Variants in SLC22A3 observed in about 807,000 individuals in gnomAD.
SLC22A3 encodes the protein EMT organic cation transporter 3.
SLC22A3 carries 51 observed loss-of-function variants against 59.1 expected under a neutral mutation model. The observed-to-expected ratio is 0.86, with a 90% CI of 0.69 to 1.09. The LOEUF (loss-of-function observed/expected upper bound fraction) is 1.09, where lower values mean the gene tolerates loss of function less well. SLC22A3 is among the 50% of genes least tolerant of loss of function. The pLI is 0.00. For missense variants in SLC22A3, 711 were observed against 726.3 expected (o/e 0.98, Z 0.24); for synonymous variants, 325 against 292.0 (o/e 1.11, Z -1.15).
chr6:160,373,465 C>T (rs1785474612), intron 1 of SLC22A3, among the ~76,000 whole-genome samples: 1 of 152,162 alleles, frequency 6.6e-6, no homozygotes, highest in Non-Finnish European at 1.5e-5. Context: ...AGGTGTCTCC[C>T]AGTCAGGAGG....
chr6:160,375,343 A>G (rs1262804268), intron 1 of SLC22A3, among the ~76,000 whole-genome samples: 3 of 152,202 alleles, frequency 2.0e-5, no homozygotes, highest in Non-Finnish European at 4.4e-5. Flanking sequence ...TAAACTGCCA[A>G]GGAGACACTC....
intron 5 of SLC22A3, among the ~76,000 whole-genome samples, chr6:160,414,513 C>T (rs569815355): frequency 6.6e-6 from 1 of 152,234 alleles, no homozygotes; most frequent in Admixed American, 6.5e-5. Context: ...TTAGTCTGTT[C>T]TCACACTGCT....
At chr6:160,353,140 C>T (rs113287635) in intron 1 of SLC22A3, among the ~76,000 whole-genome samples, 104 of 152,266 alleles carry the variant, frequency 6.8e-4, no homozygotes, top group African/African-American at 2.3e-3. Flanking sequence ...GAAAGCAGGA[C>T]TCTAATGAGT....
chr6:160,444,848 T>G (rs1788683602), intron 9 of SLC22A3, among the ~76,000 whole-genome samples: 1 of 152,244 alleles, frequency 6.6e-6, no homozygotes, highest in African/African-American at 2.4e-5. Flanking sequence ...AAAAGTCCTT[T>G]GACAGTGTGA....
intron 5 of SLC22A3, among the ~76,000 whole-genome samples, chr6:160,416,908 G>A (rs1236026249): frequency 6.6e-6 from 1 of 152,174 alleles, no homozygotes; most frequent in African/African-American, 2.4e-5. Context: ...AAAAAGAATG[G>A]GCAAGTACTT....
At chr6:160,355,339 T>A (rs889423738) in intron 1 of SLC22A3, among the ~76,000 whole-genome samples, 2 of 152,194 alleles carry the variant, frequency 1.3e-5, no homozygotes, top group African/African-American at 2.4e-5. Flanking sequence ...TGTCTCCGCC[T>A]ATAGAGGCTT....
At chr6:160,395,616 TAAAATA>T (rs1168150525) in intron 1 of SLC22A3, among the ~76,000 whole-genome samples, 7 of 152,240 alleles carry the variant, frequency 4.6e-5, no homozygotes, top group Non-Finnish European at 1.0e-4. Context: ...CTTGTTTACT[TAAAATA>T]AAATTTTTGT....
intron 5 of SLC22A3, among the ~76,000 whole-genome samples, chr6:160,423,147 C>G (rs1324247000): frequency 6.6e-6 from 1 of 152,212 alleles, no homozygotes; most frequent in Non-Finnish European, 1.5e-5. Context: ...CATGTCCCTA[C>G]AAAGGACATG....
chr6:160,352,692 A>G (rs1382083193), intron 1 of SLC22A3, among the ~76,000 whole-genome samples: 1 of 152,224 alleles, frequency 6.6e-6, no homozygotes. Context: ...TGTTTTTATT[A>G]GAAGAGTGTG....
rs1284945740 is a variant in SLC22A3 at position 160,415,686 on chromosome 6, G to T, written c.975+4840G>T. Among the ~76,000 whole-genome samples the T allele has an allele frequency of 6.6e-6, 1 of 152,146 alleles. No individual in the cohort carries two copies. The highest frequency in any genetic ancestry group is 2.4e-5 in the African/African-American group (1 of 41,438). On this transcript the variant is annotated intron_variant, in intron 5 of 10. Transcript: ENST00000275300. The surrounding 1 kb of genome is among the most constrained non-coding windows in gnomAD (Gnocchi z 4.1). The stretch of plus-strand genomic sequence containing the variant: ...CTAATTCCCACCTCATTCTCAGGGT[G>T]CCCATTATAGGGTGCGGAGAAGGTT...
intron 2 of SLC22A3, among the ~76,000 whole-genome samples, chr6:160,401,950 G>T (rs1786800833): frequency 6.6e-6 from 1 of 151,878 alleles, no homozygotes; most frequent in African/African-American, 2.4e-5. Context: ...CCAGGAAAAA[G>T]TGTGGAATAC....
intron 5 of SLC22A3, among the ~76,000 whole-genome samples, chr6:160,427,406 C>T (rs765199277): frequency 3.0e-4 from 45 of 152,162 alleles, no homozygotes; most frequent in Non-Finnish European, 6.2e-4. Flanking sequence ...GCAGAAAGCA[C>T]TGCCAACCCT....
At chr6:160,440,935 C>A (rs1377943897) in intron 7 of SLC22A3, among the ~76,000 whole-genome samples, 1 of 152,088 alleles carries the variant, frequency 6.6e-6, no homozygotes, top group Admixed American at 6.5e-5. Context: ...TCTGAGTTAA[C>A]CACATATGTT....
At chr6:160,361,631 T>G (rs1386060084) in intron 1 of SLC22A3, among the ~76,000 whole-genome samples, 1 of 152,042 alleles carries the variant, frequency 6.6e-6, no homozygotes, top group Admixed American at 6.6e-5. Context: ...TTTTTGTAGA[T>G]TTTTTTTAGA....
At chr6:160,393,447 A>G (rs1297616672) in intron 1 of SLC22A3, among the ~76,000 whole-genome samples, 1 of 68,828 alleles carries the variant, frequency 1.5e-5, no homozygotes, top group African/African-American at 5.6e-5. Context: ...CCCTCCCCCT[A>G]CCACACAACA....
chr6:160,405,994 G>C (rs989494124), intron 2 of SLC22A3, among the ~76,000 whole-genome samples: 1 of 152,116 alleles, frequency 6.6e-6, no homozygotes, highest in African/African-American at 2.4e-5. Flanking sequence ...ATACTTTAAT[G>C]GTGGATACGT....
At chr6:160,350,648 G>T (rs1379493685) in intron 1 of SLC22A3, among the ~76,000 whole-genome samples, 4 of 152,346 alleles carry the variant, frequency 2.6e-5, no homozygotes, top group Admixed American at 6.5e-5. Flanking sequence ...GCCTCAACAA[G>T]TGCTCAAGCG....
rs79466232 is a variant in SLC22A3 at position 160,451,570 on chromosome 6, C to A, written c.*514C>A. On this transcript the variant is annotated 3_prime_UTR_variant, in exon 11 of 11. Coordinates refer to ENST00000275300, the MANE Select transcript of SLC22A3 (RefSeq NM_021977.4). ...TAATGAGAAGGCTGAATCACAGGCACCTGGGCCAAAGGGTGTGAGCATTCA... is the reference window on the plus strand; with the variant it reads ...TAATGAGAAGGCTGAATCACAGGCAACTGGGCCAAAGGGTGTGAGCATTCA... 418 of 166,366 alleles carry A rather than the reference C, an allele frequency of 2.5e-3. 6 individuals carry two copies. The East Asian group carries it at 0.036, about 14-fold the overall frequency. The allele number at this position is 166,366 out of a possible 1,614,324, so 10.3% of individuals were successfully genotyped here. A position where few individuals can be genotyped will look rare whatever the true frequency, so the allele number is the denominator to read the frequency against.
intron 1 of SLC22A3, among the ~76,000 whole-genome samples, chr6:160,387,492 A>C (rs1263166295): frequency 6.6e-6 from 1 of 152,236 alleles, no homozygotes; most frequent in African/African-American, 2.4e-5. Context: ...CAGCTTAGGC[A>C]AAAAGATTTC....
Sources: gnomAD v4.1 joint callset for allele counts (sites outside exome capture counted in the v4.1 genomes callset) on GRCh38, gnomAD v4.1.1 for gene constraint, Gnocchi (gnomAD v3.1) non-coding constraint, MANE v1.5 for transcripts, NCBI Gene and HGNC (gene_info 2026-07-23, HGNC 2026-07-21) for gene names.